CNTN6: variants seen among roughly 807,000 people sequenced by gnomAD.
The protein encoded by CNTN6 is contactin-6.
In CNTN6, 137 loss-of-function variants were observed where a neutral mutation model predicts 122.8. That is an observed-to-expected ratio of 1.12 (90% CI 0.97 to 1.29). The LOEUF is 1.29. CNTN6 is among the 50% of genes most tolerant of loss of function. CNTN6 has a pLI of 0.00. For missense variants in CNTN6, 1,634 were observed against 1,223.4 expected, an observed-to-expected ratio of 1.34 and a Z score of -5.01; for synonymous variants, 570 against 426.0, an observed-to-expected ratio of 1.34 and a Z score of -4.16.
At chr3:1,377,323 G>A (rs564189571) in intron 17 of CNTN6, among the ~76,000 whole-genome samples, 6 of 152,214 alleles carry the variant, frequency 3.9e-5, no homozygotes, top group African/African-American at 7.2e-5. Flanking sequence ...TCTATTGAGC[G>A]TGTGTCAGTA....
chr3:1,145,223 A>G (rs776247793), intron 1 of CNTN6, among the ~76,000 whole-genome samples: 1 of 152,196 alleles, frequency 6.6e-6, no homozygotes, highest in Non-Finnish European at 1.5e-5. Flanking sequence ...GACTTAATGG[A>G]GAGATTATAC....
At chr3:1,389,959 T>C (rs1221283322) in intron 20 of CNTN6, among the ~76,000 whole-genome samples, 3 of 150,406 alleles carry the variant, frequency 2.0e-5, no homozygotes, top group Admixed American at 6.6e-5. Flanking sequence ...ACATTAATAA[T>C]GGGAGACTTT....
At chr3:1,340,559 G>T (rs1450459932) in intron 11 of CNTN6, among the ~76,000 whole-genome samples, 1 of 152,112 alleles carries the variant, frequency 6.6e-6, no homozygotes, top group Non-Finnish European at 1.5e-5. Flanking sequence ...GGTTAAAGTC[G>T]CTAAGCCCCA....
chr3:1,144,724 C>A (rs902636755), intron 1 of CNTN6, among the ~76,000 whole-genome samples: 9 of 141,750 alleles, frequency 6.3e-5, no homozygotes, highest in African/African-American at 2.3e-4. Flanking sequence ...TAAGATGTTT[C>A]ATGATTCTAC....
chr3:1,260,292 C>G (rs769542085), intron 4 of CNTN6, among the ~76,000 whole-genome samples: 1 of 151,990 alleles, frequency 6.6e-6, no homozygotes, highest in Non-Finnish European at 1.5e-5. Context: ...CTGTGGCTTC[C>G]GGATGGGGGT....
At chr3:1,352,943 T>A (rs2126077413) in intron 12 of CNTN6, among the ~76,000 whole-genome samples, 1 of 151,730 alleles carries the variant, frequency 6.6e-6, no homozygotes, top group South Asian at 2.1e-4. Context: ...AGAGAAAAAA[T>A]TAAAATCTGT....
intron 2 of CNTN6, among the ~76,000 whole-genome samples, chr3:1,218,495 C>T (rs2094159443): frequency 1.3e-5 from 2 of 152,038 alleles, no homozygotes; most frequent in Admixed American, 6.6e-5. Flanking sequence ...AATCACCCAG[C>T]TAGTGGTGTC....
chr3:1,388,487 A>C (rs1438590194), intron 20 of CNTN6, among the ~76,000 whole-genome samples: 1 of 151,688 alleles, frequency 6.6e-6, no homozygotes, highest in East Asian at 1.9e-4. Context: ...AAAACTGGAA[A>C]CTCTAAAACG....
At chr3:1,301,250 T>C (rs1697362159) in intron 7 of CNTN6, among the ~76,000 whole-genome samples, 1 of 152,054 alleles carries the variant, frequency 6.6e-6, no homozygotes, top group African/African-American at 2.4e-5. Context: ...TTGGCCAGGC[T>C]TGTCTCTAAC....
chr3:1,261,654 G>T (rs1015280712), intron 4 of CNTN6, among the ~76,000 whole-genome samples: 1 of 152,090 alleles, frequency 6.6e-6, no homozygotes, highest in Non-Finnish European at 1.5e-5. Context: ...CCCCCAATGT[G>T]ACAGGTAACT....
intron 1 of CNTN6, among the ~76,000 whole-genome samples, chr3:1,121,832 C>T (rs9878575): frequency 6.7e-4 from 102 of 151,990 alleles, no homozygotes; most frequent in African/African-American, 2.3e-3. Flanking sequence ...AGAGCTGACT[C>T]CAAACATGAG....
intron 12 of CNTN6, among the ~76,000 whole-genome samples, chr3:1,355,081 C>G (rs1446606470): frequency 6.6e-6 from 1 of 151,542 alleles, no homozygotes; most frequent in African/African-American, 2.4e-5. Flanking sequence ...TACTTTCATG[C>G]ATTTACACCT....
chr3:1,132,022 G>C (rs1467963185), intron 1 of CNTN6, among the ~76,000 whole-genome samples: 2 of 152,036 alleles, frequency 1.3e-5, no homozygotes, highest in African/African-American at 4.8e-5. Flanking sequence ...GTAGAGTGAA[G>C]GAAAGCAATT....
chr3:1,096,904 A>G (rs555464274), intron 1 of CNTN6, among the ~76,000 whole-genome samples: 2 of 152,276 alleles, frequency 1.3e-5, no homozygotes, highest in East Asian at 3.9e-4. Flanking sequence ...CTGCACCACG[A>G]CCACTGCCAC....
chr3:1,220,725 C>A lies in CNTN6; in HGVS notation c.94C>A (p.Pro32Thr). The change falls in exon 3 of 23, where the codon CCA (proline) becomes ACA (threonine). Residue 32 changes from proline (P) to threonine (T), a missense_variant. By Grantham distance (38) the Pro-to-Thr change is conservative. Transcript: ENST00000446702. The part of the protein sequence containing the change: ...LLSRPIFTQE[P>T]HDVIFPLDLS... ...AAGCCGTCCTATTTTTACTCAGGAG[C>A]CACATGATGTCATTTTTCCTTTGGA... The A allele has an allele frequency of 6.2e-7, 1 of 1,612,936 alleles. No individual in the cohort carries two copies.
At chr3:1,322,701 T>G (rs2125977608) in intron 8 of CNTN6, among the ~76,000 whole-genome samples, 1 of 151,548 alleles carries the variant, frequency 6.6e-6, no homozygotes, top group African/African-American at 2.4e-5. Flanking sequence ...AATTATCCCA[T>G]AGGAATGTTG....
chr3:1,122,688 T>A (rs188681059), intron 1 of CNTN6, among the ~76,000 whole-genome samples: 1 of 152,080 alleles, frequency 6.6e-6, no homozygotes, highest in East Asian at 1.9e-4. Flanking sequence ...TTTGTATAAA[T>A]GGATTCATGC....
At chr3:1,135,301 G>C (rs2092443543) in intron 1 of CNTN6, among the ~76,000 whole-genome samples, 1 of 152,066 alleles carries the variant, frequency 6.6e-6, no homozygotes, top group Admixed American at 6.6e-5. Flanking sequence ...TTCCTCCCAA[G>C]GCGACTCCTA....
intron 11 of CNTN6, among the ~76,000 whole-genome samples, chr3:1,350,468 C>G (rs575189384): frequency 6.6e-6 from 1 of 151,938 alleles, no homozygotes; most frequent in East Asian, 1.9e-4. Flanking sequence ...AGTTTGCTCT[C>G]TCAGTACCTT....
Sources: allele counts gnomAD v4.1 joint callset (sites outside exome capture counted in the v4.1 genomes callset), GRCh38; gene constraint gnomAD v4.1.1; transcripts MANE v1.5; gene names NCBI Gene and HGNC (gene_info 2026-07-23, HGNC 2026-07-21).